The following VPS13B variants were observed in gnomAD, a reference collection of about 807,000 sequenced individuals.
The protein encoded by VPS13B is intermembrane lipid transfer protein VPS13B.
A neutral mutation model predicts 426.4 loss-of-function variants in VPS13B; 285 were observed. That is an observed-to-expected ratio of 0.67 (90% CI 0.61 to 0.74). The LOEUF (loss-of-function observed/expected upper bound fraction) is 0.74, where lower values mean the gene tolerates loss of function less well. Among genes scored for constraint, VPS13B ranks in the 30% least tolerant of loss-of-function variants. VPS13B has a pLI of 0.00. For missense variants in VPS13B, 4,537 were observed against 4,782.6 expected, an observed-to-expected ratio of 0.95 and a Z score of 1.51; for synonymous variants, 1,676 against 1,676.4, an observed-to-expected ratio of 1.00 and a Z score of 0.01.
At chr8:99,600,228 T>G (rs1386493424) in intron 33 of VPS13B, among the ~76,000 whole-genome samples, 1 of 152,162 alleles carries the variant, frequency 6.6e-6, no homozygotes, top group Non-Finnish European at 1.5e-5. Context: ...AATCACTCTC[T>G]GAATTTGGGG....
intron 17 of VPS13B, among the ~76,000 whole-genome samples, chr8:99,237,075 C>T (rs1053627994): frequency 2.0e-5 from 3 of 152,130 alleles, no homozygotes; most frequent in Admixed American, 6.5e-5. Context: ...TTTTACCTGC[C>T]ACCATCCATG....
chr8:99,634,146 A>G (rs1367541877), intron 33 of VPS13B, among the ~76,000 whole-genome samples: 4 of 152,022 alleles, frequency 2.6e-5, no homozygotes, highest in Non-Finnish European at 5.9e-5. Context: ...CTAAAGGTCA[A>G]CACTGCAGAT....
At chr8:99,609,212 A>G (rs1400572578) in intron 33 of VPS13B, among the ~76,000 whole-genome samples, 3 of 152,208 alleles carry the variant, frequency 2.0e-5, no homozygotes, top group African/African-American at 4.8e-5. Flanking sequence ...AACATTATAT[A>G]TTAGTCATAA....
At chr8:99,509,310 C>A (rs1232306643) in intron 28 of VPS13B, among the ~76,000 whole-genome samples, 2 of 151,886 alleles carry the variant, frequency 1.3e-5, no homozygotes, top group African/African-American at 4.8e-5. Context: ...AAAAGAGAAA[C>A]AGTGAAAATG....
chr8:99,518,721 C>T (rs1822220818), intron 29 of VPS13B, among the ~76,000 whole-genome samples: 1 of 152,052 alleles, frequency 6.6e-6, no homozygotes. Context: ...CTGAATTAGA[C>T]CATACCAAGT....
chr8:99,055,961 G>A (rs1365698240), intron 3 of VPS13B, among the ~76,000 whole-genome samples: 3 of 142,890 alleles, frequency 2.1e-5, no homozygotes, highest in East Asian at 2.0e-4. Flanking sequence ...GGCTGATCTC[G>A]AACTTCTGGG....
At chr8:99,833,568 C>T (rs547493798) in intron 52 of VPS13B, among the ~76,000 whole-genome samples, 148 of 152,160 alleles carry the variant, frequency 9.7e-4, no homozygotes, top group African/African-American at 3.4e-3. Flanking sequence ...TCACAAAATC[C>T]TTGATTTTAC....
At chr8:99,516,421 A>G (rs966762572) in intron 29 of VPS13B, among the ~76,000 whole-genome samples, 9 of 152,214 alleles carry the variant, frequency 5.9e-5, no homozygotes, top group African/African-American at 2.2e-4. Context: ...GTTGGAGTCA[A>G]GAGTATACTA....
At chr8:99,708,375 C>T (rs1563874987) in intron 36 of VPS13B, among the ~76,000 whole-genome samples, 1 of 152,154 alleles carries the variant, frequency 6.6e-6, no homozygotes, top group Non-Finnish European at 1.5e-5. Context: ...AAATACCTTT[C>T]CCAGACAATG....
At chr8:99,847,100 C>A (rs745969724) in intron 54 of VPS13B, among the ~76,000 whole-genome samples, 15 of 152,056 alleles carry the variant, frequency 9.9e-5, no homozygotes, top group Admixed American at 5.2e-4. Context: ...ATGAGCTGAG[C>A]CATTTTTAAG....
intron 33 of VPS13B, among the ~76,000 whole-genome samples, chr8:99,627,955 C>T (rs980442307): frequency 2.0e-5 from 3 of 152,118 alleles, no homozygotes; most frequent in African/African-American, 7.2e-5. Context: ...ACCCATAAGA[C>T]GTTCTTTGAA....
At chr8:99,809,058 G>A (rs909015653) in intron 43 of VPS13B, among the ~76,000 whole-genome samples, 4 of 151,954 alleles carry the variant, frequency 2.6e-5, no homozygotes, top group African/African-American at 9.7e-5. Flanking sequence ...TTGATCTCAC[G>A]CTTCAACCTT....
chr8:99,394,445 T>G (rs1407073571), intron 21 of VPS13B, among the ~76,000 whole-genome samples: 1 of 152,132 alleles, frequency 6.6e-6, no homozygotes, highest in Non-Finnish European at 1.5e-5. Context: ...GCTTGATGGC[T>G]CGGAATGTGT....
At chr8:99,208,347 A>T (rs1814854816) in intron 17 of VPS13B, among the ~76,000 whole-genome samples, 1 of 152,206 alleles carries the variant, frequency 6.6e-6, no homozygotes. Flanking sequence ...CCCATATCAC[A>T]TATCATTAAG....
intron 17 of VPS13B, among the ~76,000 whole-genome samples, chr8:99,203,352 G>A (rs906080790): frequency 6.6e-6 from 1 of 152,124 alleles, no homozygotes; most frequent in African/African-American, 2.4e-5. Flanking sequence ...AGGTATTGAT[G>A]GAACGTATCT....
chr8:99,237,807 T>A (rs1232432745), intron 17 of VPS13B, among the ~76,000 whole-genome samples: 2 of 151,628 alleles, frequency 1.3e-5, no homozygotes, highest in East Asian at 1.9e-4. Flanking sequence ...AAATAAATTT[T>A]AAAAAATTCA....
intron 19 of VPS13B, among the ~76,000 whole-genome samples, chr8:99,310,010 T>C (rs1290610345): frequency 6.6e-6 from 1 of 152,200 alleles, no homozygotes; most frequent in Non-Finnish European, 1.5e-5. Flanking sequence ...TAAGAATGCT[T>C]GTGATTTTTG....
At chr8:99,268,393 A>G (rs190442240) in intron 17 of VPS13B, among the ~76,000 whole-genome samples, 163 of 152,356 alleles carry the variant, frequency 1.1e-3, no homozygotes, top group African/African-American at 2.9e-3. Flanking sequence ...AGCCTGTGAA[A>G]GCAGCCAAGA....
At chr8:99,517,770 A>C (rs1464289670) in intron 29 of VPS13B, among the ~76,000 whole-genome samples, 1 of 152,110 alleles carries the variant, frequency 6.6e-6, no homozygotes, top group African/African-American at 2.4e-5. Flanking sequence ...TTCATGTTGA[A>C]AATATTTCTA....
Sources: allele counts gnomAD v4.1 joint callset (sites outside exome capture counted in the v4.1 genomes callset), GRCh38; gene constraint gnomAD v4.1.1; transcripts MANE v1.5; gene names NCBI Gene and HGNC (gene_info 2026-07-23, HGNC 2026-07-21).